The following C1orf105 variants were observed in gnomAD, a reference collection of about 807,000 sequenced individuals.
C1orf105 encodes uncharacterized protein C1orf105.
In C1orf105, 17 loss-of-function variants were observed where a neutral mutation model predicts 20.8. The ratio of observed to expected loss-of-function variants is 0.82; its 90% CI spans 0.56 to 1.23. The LOEUF (loss-of-function observed/expected upper bound fraction) is 1.23, where lower values mean the gene tolerates loss of function less well. Among genes scored for constraint, C1orf105 ranks in the 50% most tolerant of loss-of-function variants. The pLI, the probability that C1orf105 is intolerant of heterozygous loss-of-function variation, is 0.00. For synonymous variants in C1orf105, 72 were observed against 72.1 expected, an observed-to-expected ratio of 1.00 and a Z score of 0.01; for missense variants, 219 against 213.5, an observed-to-expected ratio of 1.03 and a Z score of -0.16.
At chr1:172,444,142 T>G in intron 1 of C1orf105, 11 of 989,216 alleles carry the variant, frequency 1.1e-5, no homozygotes, top group African/African-American at 1.7e-5. Flanking sequence ...CATCGCGACG[T>G]GACTGCTGCC....
At chr1:172,429,347 C>T (rs2071807736) in intron 1 of C1orf105, among the ~76,000 whole-genome samples, 1 of 152,184 alleles carries the variant, frequency 6.6e-6, no homozygotes. Context: ...ATTTATCAAA[C>T]CCCAGTATGC....
intron 3 of C1orf105, chr1:172,453,203 C>T (rs1295626060): frequency 6.5e-7 from 1 of 1,550,198 alleles, no homozygotes; most frequent in Non-Finnish European, 8.7e-7. Context: ...GAGTACAGCA[C>T]AGATCAAAGA....
At chr1:172,442,336 C>T in intron 1 of C1orf105, 1 of 1,613,150 alleles carries the variant, frequency 6.2e-7, no homozygotes, top group South Asian at 1.1e-5. Context: ...CAAAACATAC[C>T]CAATCAGTGA....
At chr1:172,454,705 G>GT (rs1226401797) in intron 3 of C1orf105, among the ~76,000 whole-genome samples, 24 of 151,032 alleles carry the variant, frequency 1.6e-4, no homozygotes, top group African/African-American at 3.9e-4. Context: ...AGCATTGCCT[G>GT]TTTTTTTTTA....
rs1054501069 is a variant in C1orf105 at position 172,435,485 on chromosome 1, C to CA, written c.22-9580dup. On this transcript the variant is annotated intron_variant, in intron 1 of 6. Transcript: ENST00000367727. ...TAATCCATCACATAAACAGAACCAA[C>CA]AAAAAAAACCACAAAATTATCTCAA... 5.3e-5 allele frequency among the ~76,000 whole-genome samples: 8 copies of CA among 151,822 alleles called. No homozygotes were observed. In the East Asian group the frequency reaches 5.8e-4, roughly 11 times the overall value.
In C1orf105 at chr1:172,466,573, TAC is replaced by T. The variant is rs3980398; in HGVS notation, c.406+1252_406+1253del. ...CTGCATTGCAAAGGAATGAATCACA[TAC>T]ACACACACACACACACACACACACA... On this transcript the variant is annotated intron_variant, in intron 6 of 6. Coordinates refer to ENST00000367727, the MANE Select transcript of C1orf105 (RefSeq NM_139240.4). Among the ~76,000 whole-genome samples the T allele has an allele frequency of 8.3e-3, 1,226 of 147,236 alleles. 12 individuals are homozygous for T. Among genetic ancestry groups the T allele is most frequent in the African/African-American group, 0.021 (854 of 40,046 alleles).
At chr1:172,456,388 C>T (rs374928057) in intron 3 of C1orf105, 27 bp from the exon 4 acceptor site, 129 of 1,598,166 alleles carry the variant, frequency 8.1e-5, no homozygotes, top group Middle Eastern at 3.3e-4. Context: ...CATTTCCTCA[C>T]CTCTCTCTGT....
intron 1 of C1orf105, among the ~76,000 whole-genome samples, chr1:172,439,191 T>C (rs1240646593): frequency 2.0e-5 from 3 of 152,176 alleles, no homozygotes; most frequent in Admixed American, 2.0e-4. Context: ...ACACACTTTG[T>C]GTGTGTGTAC....
At chr1:172,421,953 G>A (rs2071601871) in intron 1 of C1orf105, among the ~76,000 whole-genome samples, 2 of 152,136 alleles carry the variant, frequency 1.3e-5, no homozygotes, top group African/African-American at 4.8e-5. Context: ...TTAGCCAGAG[G>A]AGAATTGCCC....
intron 1 of C1orf105, among the ~76,000 whole-genome samples, chr1:172,438,029 T>C (rs1044580196): frequency 6.6e-6 from 1 of 152,138 alleles, no homozygotes; most frequent in Non-Finnish European, 1.5e-5. Flanking sequence ...ACTCTGCTCA[T>C]GCTCTGTGAG....
At chr1:172,447,365 C>G (rs1298914942) in intron 2 of C1orf105, among the ~76,000 whole-genome samples, 1 of 152,208 alleles carries the variant, frequency 6.6e-6, no homozygotes, top group Admixed American at 6.5e-5. Flanking sequence ...TGTACTGACC[C>G]ACTTCCTTCA....
chr1:172,432,226 G>A (rs1451012978), intron 1 of C1orf105, among the ~76,000 whole-genome samples: 1 of 152,228 alleles, frequency 6.6e-6, no homozygotes, highest in African/African-American at 2.4e-5. Context: ...TGACAGCTCT[G>A]AAGAGAGCAG....
In C1orf105 at chr1:172,468,569, CA is replaced by C. The variant is rs760499710; in HGVS notation, c.529del (p.Ile177Ter). ...RQRSSLPRKE[P>X]IGKTTRQ Reference sequence around the variant, plus strand: ...CGTTCTTCCTTGCCCAGAAAGGAACCAATAGGCAAGACAACGAGGCAGTGAG... The same window carrying C: ...CGTTCTTCCTTGCCCAGAAAGGAACCATAGGCAAGACAACGAGGCAGTGAG... On this transcript the variant is annotated frameshift_variant, in exon 7 of 7. Coordinates refer to ENST00000367727, the MANE Select transcript of C1orf105 (RefSeq NM_139240.4). LOFTEE classifies it high-confidence loss of function. 6.2e-7 allele frequency: 1 copy of C among 1,613,628 alleles called. No individual in the cohort carries two copies. The highest frequency in any genetic ancestry group is 2.2e-5 in the East Asian group (1 of 44,864).
rs772580384 is a variant in C1orf105, at chr1:172,465,340, C to A, written c.383C>A (p.Pro128His). 5.0e-5 allele frequency: 80 copies of A among 1,612,752 alleles called. No individual in the cohort carries two copies. The highest frequency in any genetic ancestry group is 6.2e-5 in the Non-Finnish European group (73 of 1,178,840). ...CCCAAATTCCAGACTACACCTGAGC[C>A]TTTCCATGATGACATCCCAACAGGT... ...HQPKFQTTPE[P>H]FHDDIPTESI... Residue 128 changes from proline (P) to histidine (H), a missense_variant, in exon 6 of 7, where the codon CCT becomes CAT. Pro to His is a moderately conservative substitution (Grantham distance 77). Transcript: ENST00000367727.
At chr1:172,442,890 A>G in intron 1 of C1orf105, 1 of 367,268 alleles carries the variant, frequency 2.7e-6, no homozygotes, top group Non-Finnish European at 5.2e-6. Context: ...TAGTACTGAG[A>G]TAAAGTCAAA....
chr1:172,422,125 G>A (rs4417109), intron 1 of C1orf105, among the ~76,000 whole-genome samples: 2,688 of 152,036 alleles, frequency 0.018, 95 homozygotes, highest in African/African-American at 0.061. Flanking sequence ...ACTGGGGAGC[G>A]CACGATCTAG....
chr1:172,427,381 A>G lies in C1orf105; in HGVS notation c.21+6475A>G, dbSNP rs111887095. Among the ~76,000 whole-genome samples the G allele has an allele frequency of 4.1e-3, 624 of 152,214 alleles. 4 individuals are homozygous for G. Among genetic ancestry groups the G allele is most frequent in the African/African-American group, 0.014 (599 of 41,518 alleles). On this transcript the variant is annotated intron_variant, in intron 1 of 6. Coordinates refer to ENST00000367727, the MANE Select transcript of C1orf105 (RefSeq NM_139240.4). ...AATTCTTCCCTCTCTCACACCATCA[A>G]CTAACAACTCTCTACCATTTCATTT... is the stretch of plus-strand genomic sequence containing the variant.
intron 2 of C1orf105, among the ~76,000 whole-genome samples, chr1:172,447,256 A>G (rs1648115091): frequency 6.6e-6 from 1 of 152,196 alleles, no homozygotes; most frequent in Non-Finnish European, 1.5e-5. Flanking sequence ...AGATAAAGGA[A>G]CATTTAGCCA....
intron 3 of C1orf105, among the ~76,000 whole-genome samples, chr1:172,454,853 G>A (rs1005314662): frequency 2.6e-5 from 4 of 152,140 alleles, no homozygotes; most frequent in Non-Finnish European, 5.9e-5. Flanking sequence ...GCTACTGGAT[G>A]GTGAGCAGCT....
Sources: allele counts gnomAD v4.1 joint callset (sites outside exome capture counted in the v4.1 genomes callset), GRCh38; gene constraint gnomAD v4.1.1; transcripts MANE v1.5; gene names NCBI Gene and HGNC (gene_info 2026-07-23, HGNC 2026-07-21).